Variants in GRID1 observed in about 807,000 individuals in gnomAD.
GRID1 encodes glutamate ionotropic receptor delta type subunit 1.
Under a neutral mutation model 98.0 loss-of-function variants are expected in GRID1, and 28 were observed. The observed-to-expected ratio is 0.29, with a 90% CI of 0.21 to 0.39. The LOEUF is 0.39. Ranked by LOEUF, GRID1 falls within the 10% of genes least tolerant of loss-of-function variation. GRID1 has a pLI of 1.00. For synonymous variants in GRID1, 553 were observed against 538.5 expected, an observed-to-expected ratio of 1.03 and a Z score of -0.37; for missense variants, 1,111 against 1,340.5, an observed-to-expected ratio of 0.83 and a Z score of 2.67.
chr10:86,135,164 C>T (rs1844902864), intron 4 of GRID1, among the ~76,000 whole-genome samples: 1 of 152,232 alleles, frequency 6.6e-6, no homozygotes, highest in Non-Finnish European at 1.5e-5. Context: ...AGCTGATGGG[C>T]TTGCATGAGG....
intron 2 of GRID1, among the ~76,000 whole-genome samples, chr10:86,352,074 G>T (rs896919029): frequency 6.6e-6 from 1 of 152,184 alleles, no homozygotes; most frequent in Non-Finnish European, 1.5e-5. Context: ...AGGCCGAGGC[G>T]AGCGGATCAC....
intron 2 of GRID1, among the ~76,000 whole-genome samples, chr10:86,352,022 G>A (rs1246572738): frequency 6.6e-6 from 1 of 152,258 alleles, no homozygotes; most frequent in Non-Finnish European, 1.5e-5. Flanking sequence ...GACAAAAGGG[G>A]CCAGGCGTGA....
chr10:85,610,280 C>G (rs573946408), intron 15 of GRID1, among the ~76,000 whole-genome samples: 3 of 152,150 alleles, frequency 2.0e-5, no homozygotes, highest in African/African-American at 7.2e-5. Context: ...TCGTTTTGAG[C>G]CGTTTCCTGC....
intron 3 of GRID1, among the ~76,000 whole-genome samples, chr10:86,144,684 C>T (rs1423601467): frequency 6.6e-6 from 1 of 152,200 alleles, no homozygotes; most frequent in Non-Finnish European, 1.5e-5. Context: ...TCCCCCTGGG[C>T]TTGCAGGCAC....
At chr10:86,240,609 G>A (rs1297829270) in intron 2 of GRID1, among the ~76,000 whole-genome samples, 1 of 152,052 alleles carries the variant, frequency 6.6e-6, no homozygotes, top group Admixed American at 6.5e-5. Context: ...GGGTGGGCAG[G>A]GCAGAGCTGG....
intron 5 of GRID1, among the ~76,000 whole-genome samples, chr10:85,890,712 T>A (rs932791675): frequency 6.6e-6 from 1 of 151,620 alleles, no homozygotes; most frequent in Non-Finnish European, 1.5e-5. Flanking sequence ...GCACCAGGCC[T>A]GGTAAGTACT....
intron 5 of GRID1, among the ~76,000 whole-genome samples, chr10:85,880,233 A>C (rs1323581885): frequency 6.6e-6 from 1 of 152,234 alleles, no homozygotes; most frequent in Non-Finnish European, 1.5e-5. Flanking sequence ...AACTATTCCA[A>C]TCAACAGAAA....
At chr10:85,691,722 A>C (rs754514690) in intron 12 of GRID1, among the ~76,000 whole-genome samples, 5 of 152,178 alleles carry the variant, frequency 3.3e-5, no homozygotes, top group African/African-American at 7.2e-5. Context: ...CACTACTTGC[A>C]TTATCAACAA....
chr10:86,075,658 C>T (rs949145452), intron 4 of GRID1, among the ~76,000 whole-genome samples: 3 of 152,188 alleles, frequency 2.0e-5, no homozygotes, highest in East Asian at 1.9e-4. Context: ...AGACACTGCC[C>T]GTGGCCACCA....
chr10:85,873,499 T>C (rs1026126751), intron 5 of GRID1, among the ~76,000 whole-genome samples: 6 of 152,168 alleles, frequency 3.9e-5, no homozygotes, highest in Admixed American at 1.3e-4. Context: ...TGTACAAACA[T>C]TACATACATT....
At chr10:86,240,777 A>G (rs1029607579) in intron 2 of GRID1, among the ~76,000 whole-genome samples, 1 of 152,214 alleles carries the variant, frequency 6.6e-6, no homozygotes, top group Non-Finnish European at 1.5e-5. Context: ...CTTTCCAGCC[A>G]TGGCATCAAT....
At chr10:85,840,456 T>C (rs1458241587) in intron 8 of GRID1, among the ~76,000 whole-genome samples, 1 of 152,178 alleles carries the variant, frequency 6.6e-6, no homozygotes, top group Non-Finnish European at 1.5e-5. Flanking sequence ...TCACCACTTC[T>C]ATTCAACATA....
In GRID1 at chr10:86,167,553, G is replaced by A. The variant is rs549820661; in HGVS notation, c.521-28529C>T. Among the ~76,000 whole-genome samples, 115 of 152,324 alleles carry A rather than the reference G, an allele frequency of 7.5e-4. 1 individual carries two copies. The Middle Eastern group carries it at 0.01, about 14-fold the overall frequency. On this transcript the variant is annotated intron_variant, in intron 3 of 15. Transcript: ENST00000327946. Reference sequence around the variant, plus strand: ...ACAGTGGTTGCTGGGGGAGTGGCGGGCTTTCCAGCAGCAGCCTCACACTTT... The same window carrying A: ...ACAGTGGTTGCTGGGGGAGTGGCGGACTTTCCAGCAGCAGCCTCACACTTT...
At chr10:85,898,886 T>C (rs1476790040) in intron 5 of GRID1, among the ~76,000 whole-genome samples, 1 of 152,228 alleles carries the variant, frequency 6.6e-6, no homozygotes, top group Admixed American at 6.5e-5. Context: ...ACCAATAGTA[T>C]AGTCGCCTAT....
intron 4 of GRID1, among the ~76,000 whole-genome samples, chr10:86,009,115 C>T (rs1240012621): frequency 6.6e-6 from 1 of 151,902 alleles, no homozygotes; most frequent in Non-Finnish European, 1.5e-5. Context: ...ATGAATAATC[C>T]AATTCTGAGG....
intron 4 of GRID1, among the ~76,000 whole-genome samples, chr10:85,963,857 C>T (rs1262491589): frequency 6.6e-6 from 1 of 152,182 alleles, no homozygotes; most frequent in African/African-American, 2.4e-5. Context: ...GCACCTGACA[C>T]AGCACATGCA....
intron 2 of GRID1, among the ~76,000 whole-genome samples, chr10:86,243,672 A>T (rs1846673292): frequency 6.6e-6 from 1 of 152,188 alleles, no homozygotes; most frequent in Admixed American, 6.5e-5. Flanking sequence ...TGAGTGAGGG[A>T]TTGCTGCTGC....
At chr10:85,972,876 C>G (rs1426234542) in intron 4 of GRID1, among the ~76,000 whole-genome samples, 1 of 152,236 alleles carries the variant, frequency 6.6e-6, no homozygotes. Context: ...ATAAAGTCAC[C>G]AGTTTTATCA....
intron 2 of GRID1, among the ~76,000 whole-genome samples, chr10:86,271,584 C>T (rs1187293320): frequency 6.6e-6 from 1 of 152,036 alleles, no homozygotes; most frequent in African/African-American, 2.4e-5. Flanking sequence ...AAATAAGATG[C>T]AAATCAAGCT....
Sources: gnomAD v4.1 joint callset for allele counts (sites outside exome capture counted in the v4.1 genomes callset) on GRCh38, gnomAD v4.1.1 for gene constraint, MANE v1.5 for transcripts, NCBI Gene and HGNC (gene_info 2026-07-23, HGNC 2026-07-21) for gene names.